The following DOK6 variants were observed in gnomAD, a reference collection of about 807,000 sequenced individuals.
DOK6 encodes the protein docking protein 6.
Under a neutral mutation model 44.0 loss-of-function variants are expected in DOK6, and 22 were observed. The observed-to-expected ratio is 0.50, with a 90% CI of 0.36 to 0.71. DOK6 has a LOEUF of 0.71. Among genes scored for constraint, DOK6 ranks in the 30% least tolerant of loss-of-function variants. DOK6 has a pLI of 0.00. For missense variants in DOK6, 340 were observed against 416.4 expected, an observed-to-expected ratio of 0.82 and a Z score of 1.60; for synonymous variants, 166 against 145.5, an observed-to-expected ratio of 1.14 and a Z score of -1.01.
At chr18:69,715,057 G>A (rs1416900821) in intron 5 of DOK6, among the ~76,000 whole-genome samples, 2 of 152,090 alleles carry the variant, frequency 1.3e-5, no homozygotes, top group Non-Finnish European at 2.9e-5. Flanking sequence ...GACTAAATGT[G>A]GCACTATTAC....
At chr18:69,727,374 T>C (rs1978315219) in intron 5 of DOK6, among the ~76,000 whole-genome samples, 1 of 152,234 alleles carries the variant, frequency 6.6e-6, no homozygotes, top group Non-Finnish European at 1.5e-5. Context: ...CGTATCATTC[T>C]ACATGCTCAA....
chr18:69,804,102 G>A (rs1339877899), intron 7 of DOK6, among the ~76,000 whole-genome samples: 1 of 152,158 alleles, frequency 6.6e-6, no homozygotes, highest in African/African-American at 2.4e-5. Context: ...TGAGGTTAAT[G>A]TCTGGGTTCC....
At chr18:69,614,320 A>C (rs980536939) in intron 3 of DOK6, among the ~76,000 whole-genome samples, 9 of 152,178 alleles carry the variant, frequency 5.9e-5, no homozygotes, top group Admixed American at 2.6e-4. Flanking sequence ...AATTCAAAAA[A>C]AATCATCCTT....
At chr18:69,708,009 C>T (rs1986673839) in intron 5 of DOK6, among the ~76,000 whole-genome samples, 1 of 152,082 alleles carries the variant, frequency 6.6e-6, no homozygotes, top group Non-Finnish European at 1.5e-5. Flanking sequence ...ACGGATGGTT[C>T]CTTCTTAGCG....
chr18:69,759,119 G>T (rs1198310949), intron 7 of DOK6, among the ~76,000 whole-genome samples: 1 of 151,002 alleles, frequency 6.6e-6, no homozygotes, highest in Non-Finnish European at 1.5e-5. Flanking sequence ...TTATTTGTAT[G>T]ATAAAATATT....
chr18:69,838,098 G>A (rs1982102611), intron 7 of DOK6, among the ~76,000 whole-genome samples: 1 of 99,784 alleles, frequency 1.0e-5, no homozygotes, highest in Non-Finnish European at 2.2e-5. Context: ...TTTAAAAAAA[G>A]TGTTAATAAG....
At chr18:69,427,367 GA>G (rs1234857553) in intron 1 of DOK6, among the ~76,000 whole-genome samples, 2 of 150,728 alleles carry the variant, frequency 1.3e-5, no homozygotes, top group Admixed American at 6.7e-5. Context: ...ACAATCATAT[GA>G]AAAAAAGCAT....
intron 4 of DOK6, among the ~76,000 whole-genome samples, chr18:69,679,843 T>G (rs1986005681): frequency 6.6e-6 from 1 of 152,144 alleles, no homozygotes; most frequent in South Asian, 2.1e-4. Flanking sequence ...TTGTCTAGAA[T>G]ATAAAGAGAA....
chr18:69,612,395 G>C (rs973932830), intron 3 of DOK6, among the ~76,000 whole-genome samples: 8 of 152,262 alleles, frequency 5.3e-5, no homozygotes, highest in Admixed American at 1.3e-4. Context: ...AGCACGAAGA[G>C]ACTTTGTGTG....
At chr18:69,754,119 C>T (rs2144751278) in intron 6 of DOK6, among the ~76,000 whole-genome samples, 1 of 151,764 alleles carries the variant, frequency 6.6e-6, no homozygotes, top group Admixed American at 6.6e-5. Context: ...TTTCTTAATG[C>T]TTTTAATTGA....
chr18:69,822,266 C>T (rs1981595133), intron 7 of DOK6, among the ~76,000 whole-genome samples: 1 of 152,144 alleles, frequency 6.6e-6, no homozygotes. Flanking sequence ...TTGTCAAGAA[C>T]TATGAAGGGC....
Position 69,841,321 on chromosome 18 carries a change from C to T in DOK6, c.934C>T (p.Gln312Ter). Residue 312 changes from glutamine to a stop codon, truncating the protein, a stop_gained, in exon 8 of 8, where the codon CAG (glutamine) becomes TAG (stop). Transcript: ENST00000382713. LOFTEE classifies it high-confidence loss of function. ...CGCCCCAGAACAGAGTGAAGAGGCC[C>T]AGCAGCCGTTGTCGCGGTCCAGCAG... ...SYAPEQSEEA[Q>*]QPLSRSSSYG... 6.2e-7 allele frequency: 1 copy of T among 1,614,180 alleles called. No homozygotes were observed. Among genetic ancestry groups the T allele is most frequent in the Non-Finnish European group, 8.5e-7 (1 of 1,180,042 alleles).
At chr18:69,627,348 A>T (rs1319640548) in intron 3 of DOK6, among the ~76,000 whole-genome samples, 2 of 152,216 alleles carry the variant, frequency 1.3e-5, no homozygotes, top group Non-Finnish European at 2.9e-5. Flanking sequence ...AAGTTGTAGC[A>T]GTGTCCATGG....
At chr18:69,626,501 AAAGAAAAATCCATGCTGG>A (rs1395473203) in intron 3 of DOK6, among the ~76,000 whole-genome samples, 10 of 152,222 alleles carry the variant, frequency 6.6e-5, no homozygotes, top group Non-Finnish European at 1.0e-4. Flanking sequence ...GCAAACAAGC[AAAGAAAAATCCATGCTGG>A]CAAAAAGCTA....
intron 5 of DOK6, among the ~76,000 whole-genome samples, chr18:69,729,123 C>T (rs770958195): frequency 2.0e-5 from 3 of 151,972 alleles, no homozygotes; most frequent in African/African-American, 7.3e-5. Flanking sequence ...TATACATATA[C>T]ACACATAAAC....
intron 7 of DOK6, among the ~76,000 whole-genome samples, chr18:69,823,625 T>TGTGTGTG (rs1981641415): frequency 3.4e-5 from 5 of 146,760 alleles, no homozygotes; most frequent in Admixed American, 1.4e-4. Flanking sequence ...GTGTGTGTGT[T>TGTGTGTG]TGTGTGTGTG....
At chr18:69,681,184 G>A (rs1986035739) in intron 4 of DOK6, among the ~76,000 whole-genome samples, 1 of 152,124 alleles carries the variant, frequency 6.6e-6, no homozygotes, top group Non-Finnish European at 1.5e-5. Flanking sequence ...AGAGATATGT[G>A]TGCAGAATTA....
chr18:69,561,319 T>C (rs1982827246), intron 1 of DOK6, among the ~76,000 whole-genome samples: 1 of 152,178 alleles, frequency 6.6e-6, no homozygotes. Flanking sequence ...AAACTGTCTC[T>C]TCTTGATGTT....
intron 2 of DOK6, among the ~76,000 whole-genome samples, chr18:69,582,058 A>G (rs1353929992): frequency 2.6e-5 from 4 of 152,228 alleles, no homozygotes; most frequent in Non-Finnish European, 5.9e-5. Flanking sequence ...TGTTGAAATT[A>G]GTCCTCAGAG....
Sources: allele counts gnomAD v4.1 joint callset (sites outside exome capture counted in the v4.1 genomes callset), GRCh38; gene constraint gnomAD v4.1.1; transcripts MANE v1.5; gene names NCBI Gene and HGNC (gene_info 2026-07-23, HGNC 2026-07-21).